Variants in SNRPN observed in about 807,000 individuals in gnomAD.
SNRPN encodes small nuclear ribonucleoprotein polypeptide N.
A neutral mutation model predicts 25.2 loss-of-function variants in SNRPN; 7 were observed. The ratio of observed to expected loss-of-function variants is 0.28; its 90% CI spans 0.16 to 0.52. The LOEUF (loss-of-function observed/expected upper bound fraction) is 0.52. Among genes scored for constraint, SNRPN ranks in the 20% least tolerant of loss-of-function variants. SNRPN has a pLI of 0.96. For synonymous variants in SNRPN, 124 were observed against 110.6 expected, an observed-to-expected ratio of 1.12 and a Z score of -0.76; for missense variants, 196 against 322.5, an observed-to-expected ratio of 0.61 and a Z score of 3.00.
At chr15:24,878,178 TA>T (rs2056173173) in intron 1 of SNRPN, among the ~76,000 whole-genome samples, 1 of 152,216 alleles carries the variant, frequency 6.6e-6, no homozygotes. Context: ...AGTTATTCTT[TA>T]AAACGCTTTC....
At chr15:24,924,769 A>G (rs2060271789) in intron 3 of SNRPN, among the ~76,000 whole-genome samples, 1 of 151,990 alleles carries the variant, frequency 6.6e-6, no homozygotes, top group South Asian at 2.1e-4. Flanking sequence ...GATTACAGGC[A>G]TGAGTTACCA....
intron 2 of SNRPN, among the ~76,000 whole-genome samples, chr15:24,904,483 C>T (rs184659433): frequency 1.6e-4 from 25 of 151,780 alleles, no homozygotes; most frequent in Admixed American, 3.9e-4. Flanking sequence ...GGTGAAACCC[C>T]GTCTCTACTA....
At chr15:24,841,229 T>C (rs1595401476) in intron 2 of SNRPN, among the ~76,000 whole-genome samples, 1 of 152,180 alleles carries the variant, frequency 6.6e-6, no homozygotes, top group African/African-American at 2.4e-5. Flanking sequence ...CTTTTTTTAA[T>C]GATTCAGTGC....
intron 2 of SNRPN, chr15:24,912,249 C>T (rs1276306797): frequency 6.6e-6 from 1 of 152,172 alleles, no homozygotes. Context: ...TCCTGAATAG[C>T]TAAGACTGCA....
intron 1 of SNRPN, among the ~76,000 whole-genome samples, chr15:24,861,455 T>C (rs1161600709): frequency 6.6e-6 from 1 of 152,214 alleles, no homozygotes; most frequent in African/African-American, 2.4e-5. Flanking sequence ...GCAGTTGCCA[T>C]GCCTGGAGCT....
At chr15:24,918,470 GTATATATATAA>G (rs2059706275) in intron 2 of SNRPN, among the ~76,000 whole-genome samples, 1 of 123,272 alleles carries the variant, frequency 8.1e-6, no homozygotes, top group East Asian at 2.2e-4. Context: ...ATATATATGT[GTATATATATAA>G]CATAATATAT....
chr15:24,883,592 T>C (rs901940644), intron 1 of SNRPN, among the ~76,000 whole-genome samples: 3 of 152,208 alleles, frequency 2.0e-5, no homozygotes, highest in South Asian at 2.1e-4. Flanking sequence ...TATCTTACAC[T>C]CTATCATTTC....
chr15:24,837,997 A>G (rs1373446829), intron 2 of SNRPN, among the ~76,000 whole-genome samples: 1 of 151,666 alleles, frequency 6.6e-6, no homozygotes, highest in African/African-American at 2.4e-5. Flanking sequence ...TGCTGAGATT[A>G]CAGGCATGAG....
upstream of SNRPN, among the ~76,000 whole-genome samples, chr15:24,854,889 C>T (rs2053239994): frequency 6.6e-6 from 1 of 151,894 alleles, no homozygotes; most frequent in Non-Finnish European, 1.5e-5. Context: ...AGTCCCATCA[C>T]CATACTCGGG....
At chr15:24,911,040 T>A in intron 2 of SNRPN, 2 of 1,501,588 alleles carry the variant, frequency 1.3e-6, no homozygotes, top group Non-Finnish European at 1.8e-6. Context: ...GAAGTAGGAA[T>A]TGGGGCTCTG....
At chr15:24,899,578 T>G (rs1000956850) in intron 2 of SNRPN, among the ~76,000 whole-genome samples, 5 of 152,232 alleles carry the variant, frequency 3.3e-5, no homozygotes, top group African/African-American at 7.2e-5. Flanking sequence ...CAATGGCTTT[T>G]CTAGCATCAG....
intron 1 of SNRPN, among the ~76,000 whole-genome samples, chr15:24,856,999 G>A (rs1008434862): frequency 4.6e-5 from 7 of 152,144 alleles, no homozygotes; most frequent in East Asian, 1.9e-4. Context: ...GCGGTTTTTA[G>A]TGTTGTCGAG....
chr15:24,888,588 G>A (rs1056921785), intron 2 of SNRPN, among the ~76,000 whole-genome samples: 13 of 152,096 alleles, frequency 8.5e-5, no homozygotes, highest in African/African-American at 2.2e-4. Flanking sequence ...TAACAAAATA[G>A]GACCTTATTT....
chr15:24,923,881 A>ATGTGTGTGTGTGTG (rs58343685), intron 3 of SNRPN, among the ~76,000 whole-genome samples: 15 of 106,124 alleles, frequency 1.4e-4, no homozygotes, highest in East Asian at 9.0e-4. Flanking sequence ...AGTGCCGTGT[A>ATGTGTGTGTGTGTG]TGTGTGTGTG....
chr15:24,936,172 T>A (rs2061227526), intron 3 of SNRPN, among the ~76,000 whole-genome samples: 1 of 152,154 alleles, frequency 6.6e-6, no homozygotes, highest in South Asian at 2.1e-4. Context: ...CCACTGAAGA[T>A]GACTGCAACT....
At chr15:24,920,578 A>C (rs2059968466) in intron 3 of SNRPN, 1 of 152,208 alleles carries the variant, frequency 6.6e-6, no homozygotes, top group Non-Finnish European at 1.5e-5. Flanking sequence ...CCTGGGTTAG[A>C]GAAAATTACA....
intron 2 of SNRPN, among the ~76,000 whole-genome samples, chr15:24,846,236 C>G (rs1271683726): frequency 6.6e-6 from 1 of 152,094 alleles, no homozygotes. Context: ...TCAGGTTTAT[C>G]TCGAAGTATA....
intron 2 of SNRPN, among the ~76,000 whole-genome samples, chr15:24,899,932 G>T (rs753068332): frequency 6.6e-6 from 1 of 152,218 alleles, no homozygotes; most frequent in African/African-American, 2.4e-5. Flanking sequence ...CCACAGAGAT[G>T]AATCTGGGAG....
chr15:24,872,455 T>C (rs1304079167), intron 1 of SNRPN, among the ~76,000 whole-genome samples: 1 of 118,322 alleles, frequency 8.5e-6, no homozygotes, highest in African/African-American at 2.9e-5. Flanking sequence ...TTTTGGAAAA[T>C]ATAGTTTAGG....
Sources: gnomAD v4.1 joint callset for allele counts (sites outside exome capture counted in the v4.1 genomes callset) on GRCh38, gnomAD v4.1.1 for gene constraint, MANE v1.5 for transcripts, NCBI Gene and HGNC (gene_info 2026-07-23, HGNC 2026-07-21) for gene names.